Variants in GRM8 observed in about 807,000 individuals in gnomAD.
GRM8 encodes metabotropic glutamate receptor 8.
In GRM8, 47 loss-of-function variants were observed where a neutral mutation model predicts 87.2. That is an observed-to-expected ratio of 0.54 (90% CI 0.43 to 0.69). The LOEUF (loss-of-function observed/expected upper bound fraction) is 0.69. GRM8 is among the 30% of genes least tolerant of loss of function. The pLI, the probability that GRM8 is intolerant of heterozygous loss-of-function variation, is 0.00. For synonymous variants in GRM8, 396 were observed against 404.5 expected, an observed-to-expected ratio of 0.98 and a Z score of 0.25; for missense variants, 1,019 against 1,139.2, an observed-to-expected ratio of 0.89 and a Z score of 1.52.
chr7:126,527,528 A>C (rs1480105004), intron 9 of GRM8, among the ~76,000 whole-genome samples: 1 of 152,064 alleles, frequency 6.6e-6, no homozygotes, highest in Non-Finnish European at 1.5e-5. Context: ...TACAGCTGAA[A>C]ATTTTCCTCC....
At chr7:127,179,111 G>A (rs1794287454) in intron 2 of GRM8, among the ~76,000 whole-genome samples, 4 of 152,098 alleles carry the variant, frequency 2.6e-5, no homozygotes, top group Admixed American at 2.6e-4. Context: ...GCCTTCAGGA[G>A]ACTCACCTAC....
chr7:126,858,331 T>G (rs2283081), intron 6 of GRM8, among the ~76,000 whole-genome samples: 1,805 of 152,162 alleles, frequency 0.012, 44 homozygotes, highest in East Asian at 0.068. Context: ...ATTTTTAAAT[T>G]TACTCCTATT....
At chr7:126,593,563 T>G (rs1223689642) in intron 8 of GRM8, among the ~76,000 whole-genome samples, 1 of 151,914 alleles carries the variant, frequency 6.6e-6, no homozygotes, top group Non-Finnish European at 1.5e-5. Context: ...AAGAATAAAT[T>G]TAGGTAATTT....
In GRM8 at chr7:127,196,569, C is replaced by G. The variant is rs572793929; in HGVS notation, c.510+46126G>C. On this transcript the variant is annotated intron_variant, in intron 2 of 10. Coordinates refer to ENST00000339582, the MANE Select transcript of GRM8 (RefSeq NM_000845.3). The stretch of plus-strand genomic sequence containing the variant: ...AACAAGCAAAAAACCACACATGCCC[C>G]TACCAGCCAAGTATCCTTTAGATAA... Among the ~76,000 whole-genome samples the G allele has an allele frequency of 3.3e-5, 5 of 152,030 alleles. No individual in the cohort carries two copies. In the East Asian group the frequency reaches 9.7e-4, roughly 29 times the overall value.
intron 6 of GRM8, among the ~76,000 whole-genome samples, chr7:126,828,411 A>G (rs1455370640): frequency 6.6e-6 from 1 of 152,078 alleles, no homozygotes; most frequent in Admixed American, 6.5e-5. Flanking sequence ...GTCTATTCAG[A>G]GATTCAACTT....
chr7:127,206,387 A>C (rs942175875), intron 2 of GRM8, among the ~76,000 whole-genome samples: 24 of 152,206 alleles, frequency 1.6e-4, no homozygotes, highest in Admixed American at 1.0e-3. Context: ...CTGAATTCTG[A>C]AGGATTGATT....
intron 2 of GRM8, among the ~76,000 whole-genome samples, chr7:127,159,975 C>A (rs1425543403): frequency 2.0e-5 from 3 of 151,832 alleles, no homozygotes; most frequent in Non-Finnish European, 2.9e-5. Context: ...AGTAGGAAAG[C>A]AAAACTAAAG....
intron 3 of GRM8, among the ~76,000 whole-genome samples, chr7:127,074,401 G>A (rs897185750): frequency 6.6e-6 from 1 of 152,114 alleles, no homozygotes; most frequent in Non-Finnish European, 1.5e-5. Context: ...GACAGCAGAG[G>A]GTCACAATAT....
At chr7:126,501,164 A>T (rs1176716287) in intron 9 of GRM8, among the ~76,000 whole-genome samples, 5 of 152,066 alleles carry the variant, frequency 3.3e-5, no homozygotes. Flanking sequence ...AACTAGTTAC[A>T]AAAGTAAATG....
Position 126,630,116 on chromosome 7 carries a change from G to C in GRM8, c.1358-20618C>G, listed in dbSNP as rs564491475. ...AACAAAAGCCTTAAAAAATTAAAAA[G>C]TTAACACAACACCAAATAAGAAAAA... On this transcript the variant is annotated intron_variant, in intron 7 of 10. Transcript: ENST00000339582. 3.4e-5 allele frequency among the ~76,000 whole-genome samples: 5 copies of C among 146,388 alleles called. No individual in the cohort carries two copies. The South Asian group carries it at 1.1e-3, about 33-fold the overall frequency.
At chr7:127,005,531 T>C (rs370999991) in intron 3 of GRM8, among the ~76,000 whole-genome samples, 134 of 151,958 alleles carry the variant, frequency 8.8e-4, no homozygotes, top group African/African-American at 3.1e-3. Flanking sequence ...CAACCAGACA[T>C]AGTCTCCACA....
At chr7:126,586,885 G>C (rs1796187151) in intron 8 of GRM8, among the ~76,000 whole-genome samples, 1 of 152,060 alleles carries the variant, frequency 6.6e-6, no homozygotes, top group Admixed American at 6.6e-5. Flanking sequence ...CCATCAGAGT[G>C]AACAGGCAAC....
chr7:127,233,020 C>A (rs1248170637), intron 2 of GRM8, among the ~76,000 whole-genome samples: 1 of 151,938 alleles, frequency 6.6e-6, no homozygotes, highest in Non-Finnish European at 1.5e-5. Flanking sequence ...TATTTAGAGA[C>A]GGGGTTTCAC....
intron 8 of GRM8, among the ~76,000 whole-genome samples, chr7:126,585,632 C>G (rs555342296): frequency 6.6e-6 from 1 of 152,184 alleles, no homozygotes; most frequent in African/African-American, 2.4e-5. Context: ...ATTCAACAGC[C>G]CTTCATGCTA....
intron 9 of GRM8, among the ~76,000 whole-genome samples, chr7:126,508,468 C>A (rs1321877191): frequency 6.6e-6 from 1 of 151,990 alleles, no homozygotes; most frequent in Non-Finnish European, 1.5e-5. Context: ...ACCTAAACAC[C>A]TCCCATGAGG....
chr7:126,920,092 G>A (rs1248377877), intron 3 of GRM8, among the ~76,000 whole-genome samples: 1 of 152,124 alleles, frequency 6.6e-6, no homozygotes, highest in Non-Finnish European at 1.5e-5. Flanking sequence ...CATGGGATTA[G>A]TGTCCTTAAT....
At chr7:126,952,363 A>C (rs946246794) in intron 3 of GRM8, among the ~76,000 whole-genome samples, 3 of 152,096 alleles carry the variant, frequency 2.0e-5, no homozygotes, top group Non-Finnish European at 1.5e-5. Flanking sequence ...CAATTAATAC[A>C]TGTTGAAAGA....
At chr7:126,791,144 C>T (rs966299823) in intron 6 of GRM8, among the ~76,000 whole-genome samples, 1 of 152,126 alleles carries the variant, frequency 6.6e-6, no homozygotes, top group Non-Finnish European at 1.5e-5. Flanking sequence ...ACATCTCATA[C>T]ATGCAGTTAT....
chr7:127,178,907 A>T (rs954618077), intron 2 of GRM8, among the ~76,000 whole-genome samples: 5 of 152,196 alleles, frequency 3.3e-5, no homozygotes, highest in African/African-American at 4.8e-5. Context: ...TAAATCACAC[A>T]GGACCTATAA....
Sources: gnomAD v4.1 joint callset for allele counts (sites outside exome capture counted in the v4.1 genomes callset) on GRCh38, gnomAD v4.1.1 for gene constraint, MANE v1.5 for transcripts, NCBI Gene and HGNC (gene_info 2026-07-23, HGNC 2026-07-21) for gene names.